Variants in DAB2 observed in about 807,000 individuals in gnomAD.
The protein encoded by DAB2 is disabled homolog 2.
In DAB2, 28 loss-of-function variants were observed where a neutral mutation model predicts 71.6. The observed-to-expected ratio is 0.39, with a 90% CI of 0.29 to 0.54. DAB2 has a LOEUF of 0.54. Ranked by LOEUF, DAB2 falls within the 20% of genes least tolerant of loss-of-function variation. The pLI, the probability that DAB2 is intolerant of heterozygous loss-of-function variation, is 0.68. For synonymous variants in DAB2, 345 were observed against 339.7 expected (o/e 1.02, Z -0.17); for missense variants, 867 against 928.8 (o/e 0.93, Z 0.86).
intron 4 of DAB2, 93 bp from the exon 5 acceptor site, chr5:39,390,668 T>A (rs1755205822): frequency 2.2e-6 from 2 of 891,018 alleles, no homozygotes; most frequent in East Asian, 2.7e-5. Flanking sequence ...TATGAAGGCA[T>A]ATATGAAAAG....
chr5:39,419,040 T>C (rs904642631), intron 1 of DAB2, among the ~76,000 whole-genome samples: 1 of 152,226 alleles, frequency 6.6e-6, no homozygotes, highest in East Asian at 1.9e-4. Flanking sequence ...CTTTTCAAAA[T>C]CAGAGTTCCA....
chr5:39,381,320 G>T (rs1754975109), intron 11 of DAB2, 134 bp downstream of exon 11: 11 of 854,814 alleles, frequency 1.3e-5, no homozygotes, highest in South Asian at 1.8e-5. Context: ...TAGTAGAAGT[G>T]GGAGAAGGGC....
At chr5:39,397,360 T>A (rs1204340614) in intron 1 of DAB2, among the ~76,000 whole-genome samples, 1 of 152,150 alleles carries the variant, frequency 6.6e-6, no homozygotes, top group East Asian at 1.9e-4. Flanking sequence ...TGAGACCCCC[T>A]CCTGCAAGCT....
intron 1 of DAB2, among the ~76,000 whole-genome samples, chr5:39,412,470 T>A (rs1158733808): frequency 6.6e-6 from 1 of 152,122 alleles, no homozygotes; most frequent in Non-Finnish European, 1.5e-5. Flanking sequence ...GAGCTTGGGA[T>A]ATACCAGTGA....
chr5:39,401,146 G>A (rs961079907), intron 1 of DAB2, among the ~76,000 whole-genome samples: 1 of 152,168 alleles, frequency 6.6e-6, no homozygotes, highest in Non-Finnish European at 1.5e-5. Context: ...AGACCAAACT[G>A]AGCAGACAGT....
intron 1 of DAB2, among the ~76,000 whole-genome samples, chr5:39,424,462 A>C (rs532878724): frequency 3.6e-5 from 5 of 139,492 alleles, no homozygotes; most frequent in Admixed American, 3.0e-4. Flanking sequence ...GGCTGCCCGC[A>C]GACCTTTTAC....
chr5:39,398,305 G>A (rs1755417351), intron 1 of DAB2, among the ~76,000 whole-genome samples: 1 of 152,172 alleles, frequency 6.6e-6, no homozygotes, highest in Non-Finnish European at 1.5e-5. Context: ...AGCGTTGGCA[G>A]ACTGGGCCAA....
intron 3 of DAB2, among the ~76,000 whole-genome samples, chr5:39,392,917 G>C (rs1030867236): frequency 6.6e-6 from 1 of 152,162 alleles, no homozygotes; most frequent in Non-Finnish European, 1.5e-5. Context: ...AGGATATTCC[G>C]TGCTCTCCAC....
intron 1 of DAB2, among the ~76,000 whole-genome samples, chr5:39,399,922 G>A (rs1755457018): frequency 6.6e-6 from 1 of 152,112 alleles, no homozygotes; most frequent in African/African-American, 2.4e-5. Flanking sequence ...GAATGTGTTG[G>A]CATCAGCAAT....
intron 2 of DAB2, 101 bp downstream of exon 2, chr5:39,394,129 G>A (rs1391227016): frequency 1.8e-5 from 17 of 930,590 alleles, no homozygotes; most frequent in Non-Finnish European, 2.7e-5. Context: ...TGAGGTTGAA[G>A]GAAGATCAGA....
chr5:39,383,156 G>A lies in DAB2; in HGVS notation c.803C>T (p.Pro268Leu). 1.2e-6 allele frequency: 2 copies of A among 1,614,096 alleles called. No individual in the cohort carries two copies. The highest frequency in any genetic ancestry group is 2.2e-5 in the East Asian group (1 of 44,868). ...NGITSCSLPR[P>L]TPQASFLPEN... is the part of the protein sequence containing the mutation. ...AGGCAAGAAGGATGCCTGAGGCGTTGGTCGAGGAAGAGAACAGGAGGTGAT... is the reference window on the plus strand; with the variant it reads ...AGGCAAGAAGGATGCCTGAGGCGTTAGTCGAGGAAGAGAACAGGAGGTGAT... Residue 268 changes from proline to leucine, a missense_variant, in exon 10 of 15, where the codon CCA (proline) becomes CTA (leucine). Pro to Leu is a moderately conservative substitution (Grantham distance 98). Transcript: ENST00000320816.
Position 39,379,072 on chromosome 5 carries a change from G to C in DAB2, c.1505-1790C>G, listed in dbSNP as rs537579886. ...TTCCACCAGTTAGCTGTGCAAAAAG[G>C]AGGGTAGAATTTTATCATCTTTCAT... is the stretch of plus-strand genomic sequence containing the variant. On this transcript the variant is annotated intron_variant, in intron 11 of 14. Transcript: ENST00000320816. 3.9e-5 allele frequency among the ~76,000 whole-genome samples: 6 copies of C among 152,288 alleles called. No homozygotes were observed. In the South Asian group the frequency reaches 1.2e-3, roughly 32 times the overall value.
At position 39,383,418 on chromosome 5, in the gene DAB2, AC is replaced by A. The variant is rs1241561835; in HGVS notation, c.688-148del. On this transcript the variant is annotated intron_variant, in intron 9 of 14. Transcript: ENST00000320816. Reference sequence around the variant, plus strand: ...GGTTGATCATTACCTCCTTCCATCAACCCCCGTAGTCCATTACTCCCTAGCT... The same window carrying A: ...GGTTGATCATTACCTCCTTCCATCAACCCCGTAGTCCATTACTCCCTAGCT... 6.1e-6 allele frequency: 4 copies of A among 650,492 alleles called. No homozygotes were observed. The East Asian group carries it at 1.1e-4, about 18-fold the overall frequency. The allele number at this position is 650,492 out of a possible 1,614,324, so 40.3% of individuals were successfully genotyped here.
rs1334890767 is a variant in DAB2 at position 39,375,034 on chromosome 5, T to C, written c.2298A>G (p.Gly766=). 1 of 1,611,358 alleles carries C rather than the reference T, an allele frequency of 6.2e-7. No individual in the cohort carries two copies. Among genetic ancestry groups the C allele is most frequent in the Non-Finnish European group, 8.5e-7 (1 of 1,178,348 alleles). Residue 766 remains glycine, a synonymous_variant, in exon 14 of 15, where the codon GGA becomes GGG. Coordinates refer to ENST00000320816, the MANE Select transcript of DAB2 (RefSeq NM_001343.4). Reference sequence around the variant, plus strand: ...CTTACAGAATTTAGGCAAAAGGATTTCCAAATGGATCCCTATACATCTCAG... The same window carrying C: ...CTTACAGAATTTAGGCAAAAGGATTCCCAAATGGATCCCTATACATCTCAG... ...VSSEMYRDPF[G]NPFA is the part of the protein sequence containing the mutation.
chr5:39,392,469 G>A lies in DAB2; in HGVS notation c.232-6C>T, dbSNP rs536033297. ...CGACCAGCTGCCGCCATTCCCTGAT[G>A]AGGGTGGAAAAACAAGAGAAGTTGA... On this transcript the variant is annotated splice_polypyrimidine_tract_variant and splice_region_variant and intron_variant, in intron 3 of 14. Transcript: ENST00000320816. 20 of 1,605,328 alleles carry A rather than the reference G, an allele frequency of 1.2e-5. No individual in the cohort carries two copies. The East Asian group carries it at 3.8e-4, about 30-fold the overall frequency.
chr5:39,389,802 A>G, intron 6 of DAB2, 50 bp downstream of exon 6: 1 of 1,101,682 alleles, frequency 9.1e-7, no homozygotes, highest in Non-Finnish European at 1.3e-6. Context: ...GTGAGCCACC[A>G]TGCCCAGCCA....
chr5:39,407,677 T>C (rs1755637260), intron 1 of DAB2, among the ~76,000 whole-genome samples: 1 of 152,218 alleles, frequency 6.6e-6, no homozygotes, highest in Admixed American at 6.5e-5. Flanking sequence ...TTCATCCACG[T>C]CCCTCTGTGA....
chr5:39,404,943 A>G (rs1755580616), intron 1 of DAB2, among the ~76,000 whole-genome samples: 2 of 152,214 alleles, frequency 1.3e-5, no homozygotes, highest in Non-Finnish European at 2.9e-5. Context: ...GCTGAACAGA[A>G]GTATTAAGGT....
chr5:39,389,944 G>A lies in DAB2; in HGVS notation c.463-12C>T, dbSNP rs1411663554. The A allele has an allele frequency of 9.8e-6, 15 of 1,530,672 alleles. No individual in the cohort carries two copies. The East Asian group carries it at 3.2e-4, about 33-fold the overall frequency. The allele number at this position is 1,530,672 out of a possible 1,614,324, so 94.8% of individuals were successfully genotyped here. On this transcript the variant is annotated splice_polypyrimidine_tract_variant and intron_variant, in intron 5 of 14. Transcript: ENST00000320816. ...ACTAATGGTTCAGCCTGCAGTAAGG[G>A]AAAGCACTGTTATCCGTATTTTAAT...
Sources: gnomAD v4.1 joint callset for allele counts (sites outside exome capture counted in the v4.1 genomes callset) on GRCh38, gnomAD v4.1.1 for gene constraint, MANE v1.5 for transcripts, NCBI Gene and HGNC (gene_info 2026-07-23, HGNC 2026-07-21) for gene names.